The following SCAI variants were observed in gnomAD, a reference collection of about 807,000 sequenced individuals.
SCAI encodes protein SCAI.
In SCAI, 24 loss-of-function variants were observed where a neutral mutation model predicts 92.2. The ratio of observed to expected loss-of-function variants is 0.26; its 90% confidence interval spans 0.19 to 0.37. The LOEUF (loss-of-function observed/expected upper bound fraction) is 0.37. SCAI is among the 10% of genes least tolerant of loss of function. The probability of loss-of-function intolerance (pLI) is 1.00; values close to 1 mark genes in which losing one functional copy is unlikely to be tolerated. For missense variants in SCAI, 450 were observed against 736.2 expected, an observed-to-expected ratio of 0.61 and a Z score of 4.50; for synonymous variants, 261 against 258.6, an observed-to-expected ratio of 1.01 and a Z score of -0.09.
In SCAI at chr9:124,971,679, C is replaced by T. The variant is rs202109345; in HGVS notation, c.1565G>A (p.Arg522His). 4.1e-5 allele frequency: 65 copies of T among 1,602,044 alleles called. No individual in the cohort carries two copies. Among genetic ancestry groups the T allele is most frequent in the Admixed American group, 1.4e-4 (8 of 56,992 alleles). The change falls in exon 16 of 18, where the codon CGT becomes CAT. Residue 522 changes from arginine to histidine, a missense_variant. This residue lies in a region of SCAI where 360 missense variants were observed against 601.8 expected (regional missense o/e 0.60). Coordinates refer to ENST00000336505, the MANE Select transcript of SCAI (RefSeq NM_001144877.3). ...RDIAQLLTHS[R>H]SIDQAFLQFF... is the part of the protein sequence containing the mutation. ...TTAGATTAGGAGGGTACCTATTGAA[C>T]GTGAATGAGTCAGTAGCTGGGCAAT...
At chr9:125,109,699 A>G (rs973913195) in intron 2 of SCAI, among the ~76,000 whole-genome samples, 1 of 151,816 alleles carries the variant, frequency 6.6e-6, no homozygotes, top group Non-Finnish European at 1.5e-5. Flanking sequence ...CTATGTATTT[A>G]TTTTTGAGGC....
chr9:125,066,622 A>AT (rs1294712390), intron 2 of SCAI, among the ~76,000 whole-genome samples: 1 of 151,670 alleles, frequency 6.6e-6, no homozygotes, highest in African/African-American at 2.4e-5. Context: ...CGCCCGGCTA[A>AT]TTTTTTGTAT....
At chr9:124,981,645 T>A (rs1358315588) in intron 14 of SCAI, among the ~76,000 whole-genome samples, 2 of 152,190 alleles carry the variant, frequency 1.3e-5, no homozygotes, top group Non-Finnish European at 2.9e-5. Context: ...ACATAGTTTA[T>A]AGTATTAAAT....
At chr9:125,027,338 G>A (rs552620001) in intron 5 of SCAI, among the ~76,000 whole-genome samples, 2 of 152,216 alleles carry the variant, frequency 1.3e-5, no homozygotes, top group Admixed American at 1.3e-4. Context: ...AATGAATTAT[G>A]TTTTACAAGG....
intron 14 of SCAI, among the ~76,000 whole-genome samples, chr9:124,979,607 A>G (rs942086456): frequency 6.6e-6 from 1 of 152,172 alleles, no homozygotes; most frequent in African/African-American, 2.4e-5. Flanking sequence ...TTTTTTCTAA[A>G]AGGATAAGAA....
chr9:124,965,847 G>A (rs1234962330), intron 17 of SCAI, among the ~76,000 whole-genome samples: 1 of 152,112 alleles, frequency 6.6e-6, no homozygotes, highest in African/African-American at 2.4e-5. Flanking sequence ...ATCCCATGGT[G>A]TTATGCAAGG....
At chr9:125,108,287 C>A (rs1310872131) in intron 2 of SCAI, among the ~76,000 whole-genome samples, 1 of 152,226 alleles carries the variant, frequency 6.6e-6, no homozygotes, top group Non-Finnish European at 1.5e-5. Context: ...CTCTGCCTGG[C>A]CGCCCATCAT....
intron 9 of SCAI, among the ~76,000 whole-genome samples, chr9:125,011,081 G>GA (rs1367902402): frequency 2.6e-5 from 4 of 152,122 alleles, no homozygotes; most frequent in Admixed American, 6.6e-5. Flanking sequence ...CAAAGATGGG[G>GA]AAAAAACAGA....
At chr9:125,026,090 G>A (rs1219110278) in intron 6 of SCAI, among the ~76,000 whole-genome samples, 1 of 152,152 alleles carries the variant, frequency 6.6e-6, no homozygotes, top group African/African-American at 2.4e-5. Flanking sequence ...CACAATCCAG[G>A]CTGGGTGTGG....
chr9:124,991,664 C>T (rs1032365489), intron 14 of SCAI, among the ~76,000 whole-genome samples: 1 of 151,882 alleles, frequency 6.6e-6, no homozygotes, highest in African/African-American at 2.4e-5. Context: ...TGGTGAAACC[C>T]CATCTCTACT....
At chr9:124,955,543 C>T (rs1025273180) in intron 17 of SCAI, among the ~76,000 whole-genome samples, 1 of 151,846 alleles carries the variant, frequency 6.6e-6, no homozygotes. Flanking sequence ...ATTGCTTGAA[C>T]CCGGGAGGCA....
intron 2 of SCAI, among the ~76,000 whole-genome samples, chr9:125,092,017 C>A (rs1209130517): frequency 6.6e-6 from 1 of 151,426 alleles, no homozygotes; most frequent in Non-Finnish European, 1.5e-5. Context: ...GTAGTCCCAG[C>A]TACTTGGGAG....
At chr9:125,106,005 G>A (rs1266832169) in intron 2 of SCAI, among the ~76,000 whole-genome samples, 2 of 144,488 alleles carry the variant, frequency 1.4e-5, no homozygotes, top group South Asian at 2.2e-4. Flanking sequence ...GCTGAGACAG[G>A]AGAATCACCT....
At chr9:125,096,036 G>A (rs966972604) in intron 2 of SCAI, among the ~76,000 whole-genome samples, 50 of 152,164 alleles carry the variant, frequency 3.3e-4, no homozygotes, top group African/African-American at 1.2e-3. Context: ...TTGTAGAGGG[G>A]CTACCCTCAG....
chr9:125,101,308 G>A (rs991604508), intron 2 of SCAI, among the ~76,000 whole-genome samples: 2 of 152,182 alleles, frequency 1.3e-5, no homozygotes, highest in Admixed American at 6.5e-5. Flanking sequence ...AGACAAGAAC[G>A]GAAGCAGGGA....
intron 9 of SCAI, among the ~76,000 whole-genome samples, chr9:125,010,104 G>A (rs775749169): frequency 2.6e-5 from 4 of 152,206 alleles, no homozygotes; most frequent in East Asian, 1.9e-4. Flanking sequence ...CAGGGTAAGC[G>A]ACGCAGAAGA....
chr9:125,132,034 C>T (rs1835411922), intron 2 of SCAI, among the ~76,000 whole-genome samples: 1 of 152,082 alleles, frequency 6.6e-6, no homozygotes, highest in Admixed American at 6.6e-5. Context: ...ATTTTTACAC[C>T]GTGTTACTGT....
intron 17 of SCAI, chr9:124,968,444 A>G (rs1304475076): frequency 9.7e-7 from 1 of 1,033,018 alleles, no homozygotes; most frequent in Non-Finnish European, 1.5e-6. Context: ...GCTTGAGTCC[A>G]CTGGATGGAG....
At chr9:125,001,607 A>G (rs541616960) in intron 12 of SCAI, among the ~76,000 whole-genome samples, 2 of 152,336 alleles carry the variant, frequency 1.3e-5, no homozygotes, top group African/African-American at 4.8e-5. Flanking sequence ...GAAAAATTCA[A>G]TGATGTGAAA....
Sources: allele counts gnomAD v4.1 joint callset (sites outside exome capture counted in the v4.1 genomes callset), GRCh38; gene constraint gnomAD v4.1.1; regional missense constraint gnomAD v4.1.1; transcripts MANE v1.5; gene names NCBI Gene and HGNC (gene_info 2026-07-23, HGNC 2026-07-21).